Variants in TRAP1 observed in about 807,000 individuals in gnomAD.
TRAP1 encodes heat shock protein 75 kDa, mitochondrial.
A neutral mutation model predicts 89.1 loss-of-function variants in TRAP1; 102 were observed. The observed-to-expected ratio is 1.15, with a 90% CI of 0.98 to 1.35. The LOEUF (loss-of-function observed/expected upper bound fraction) is 1.35, where lower values mean the gene tolerates loss of function less well. TRAP1 is among the 40% of genes most tolerant of loss of function. The pLI is 0.00. For synonymous variants in TRAP1, 508 were observed against 388.0 expected (o/e 1.31, Z -3.64); for missense variants, 1,256 against 945.3 (o/e 1.33, Z -4.31).
intron 4 of TRAP1, among the ~76,000 whole-genome samples, chr16:3,685,405 G>C (rs2051125776): frequency 6.6e-6 from 1 of 152,078 alleles, no homozygotes; most frequent in Admixed American, 6.6e-5. Flanking sequence ...ATGACCTTCA[G>C]AGCAAGCCAG....
chr16:3,679,298 C>T (rs1319988226), intron 5 of TRAP1, among the ~76,000 whole-genome samples: 3 of 150,856 alleles, frequency 2.0e-5, no homozygotes, highest in East Asian at 3.9e-4. Flanking sequence ...AGCCAAGGAT[C>T]GAAAATACTC....
At chr16:3,664,082 A>C in intron 13 of TRAP1, 192 bp downstream of exon 13, 1 of 589,970 alleles carries the variant, frequency 1.7e-6, no homozygotes, top group Non-Finnish European at 2.8e-6. Flanking sequence ...AAAAACAAAC[A>C]AAAAAAACCA....
intron 1 of TRAP1, among the ~76,000 whole-genome samples, chr16:3,711,177 A>T (rs2051526826): frequency 6.6e-6 from 1 of 152,000 alleles, no homozygotes; most frequent in Non-Finnish European, 1.5e-5. Context: ...GGCCTGGCCA[A>T]TTTTTTACCT....
intron 4 of TRAP1, among the ~76,000 whole-genome samples, chr16:3,682,527 C>T (rs2051086094): frequency 6.6e-6 from 1 of 152,054 alleles, no homozygotes; most frequent in African/African-American, 2.4e-5. Flanking sequence ...GTAGCTGGGA[C>T]TACCGGCACA....
At chr16:3,677,392 C>T (rs1382213951) in intron 6 of TRAP1, 106 bp downstream of exon 6, 4 of 1,452,024 alleles carry the variant, frequency 2.8e-6, no homozygotes, top group Non-Finnish European at 3.8e-6. Context: ...TATAAAAAGC[C>T]CAGAAAATGC....
chr16:3,662,265 G>C (rs374186940), intron 15 of TRAP1, 133 bp from the exon 16 acceptor site: 1 of 1,074,398 alleles, frequency 9.3e-7, no homozygotes, highest in African/African-American at 1.6e-5. Flanking sequence ...CTGGACCAGC[G>C]CTGCTCCCTC....
chr16:3,667,202 G>A (rs975203979), intron 11 of TRAP1, among the ~76,000 whole-genome samples: 2 of 152,168 alleles, frequency 1.3e-5, no homozygotes, highest in African/African-American at 2.4e-5. Flanking sequence ...GGGTGTCCAG[G>A]CTGGGGGCGT....
intron 4 of TRAP1, among the ~76,000 whole-genome samples, chr16:3,683,048 A>T (rs992274946): frequency 1.3e-5 from 2 of 152,020 alleles, no homozygotes; most frequent in African/African-American, 4.8e-5. Context: ...CATACCTGTA[A>T]TCCCAGCTAC....
chr16:3,681,859 G>A (rs1250915750), intron 4 of TRAP1, among the ~76,000 whole-genome samples: 8 of 152,204 alleles, frequency 5.3e-5, no homozygotes, highest in South Asian at 2.1e-4. Context: ...ATGACAAGCC[G>A]ATTCTAAAAT....
At chr16:3,689,323 C>A (rs1464147038) in intron 2 of TRAP1, among the ~76,000 whole-genome samples, 186 bp from the exon 3 acceptor site, 1 of 150,154 alleles carries the variant, frequency 6.7e-6, no homozygotes, top group East Asian at 1.9e-4. Context: ...CGGCTCACTG[C>A]AAGCTCTGCC....
rs1232531384 is a variant in TRAP1, at chr16:3,662,048, G to T, written c.1879C>A (p.Leu627Met). Residue 627 changes from leucine to methionine, a missense_variant, in exon 16 of 18, where the codon CTG (leucine) becomes ATG (methionine). Transcript: ENST00000246957. ...GCGCGCTCCTCCTGGGTCTTGGCCAGCTGCTGCATGCGCAGGAAGTGGCGG... is the reference window on the plus strand; with the variant it reads ...GCGCGCTCCTCCTGGGTCTTGGCCATCTGCTGCATGCGCAGGAAGTGGCGG... ...AARHFLRMQQ[L>M]AKTQEERAQL... The T allele has an allele frequency of 7.4e-6, 12 of 1,613,404 alleles. No homozygotes were observed. The highest frequency in any genetic ancestry group is 8.5e-6 in the Non-Finnish European group (10 of 1,179,958).
intron 11 of TRAP1, among the ~76,000 whole-genome samples, chr16:3,670,896 G>C (rs1006837051): frequency 6.6e-6 from 1 of 152,068 alleles, no homozygotes; most frequent in Non-Finnish European, 1.5e-5. Context: ...CCGCGGCACA[G>C]GACAGAATCT....
chr16:3,679,800 G>C lies in TRAP1; in HGVS notation c.472-10C>G, dbSNP rs2051051127. The C allele has an allele frequency of 2.5e-6, 4 of 1,613,938 alleles. No individual in the cohort carries two copies. The highest frequency in any genetic ancestry group is 2.2e-5 in the East Asian group (1 of 44,878). On this transcript the variant is annotated splice_polypyrimidine_tract_variant and intron_variant, in intron 4 of 17. Transcript: ENST00000246957. ...TCCCGATACCAGTATCCTGAGGAGA[G>C]AGACGCACTAAGTGCCAAGCCCCCA...
At chr16:3,679,604 C>G (rs539232146) in intron 5 of TRAP1, 115 bp downstream of exon 5, 1 of 1,011,180 alleles carries the variant, frequency 9.9e-7, no homozygotes. Context: ...GTACCCACTG[C>G]GTGGCATGCA....
chr16:3,693,772 C>A (rs372787454), intron 1 of TRAP1, among the ~76,000 whole-genome samples: 1 of 152,058 alleles, frequency 6.6e-6, no homozygotes, highest in Non-Finnish European at 1.5e-5. Context: ...GCAGGAGAAT[C>A]GCTTGAGCCC....
intron 1 of TRAP1, among the ~76,000 whole-genome samples, chr16:3,716,871 A>C (rs1010289200): frequency 5.9e-5 from 9 of 152,198 alleles, no homozygotes; most frequent in African/African-American, 2.2e-4. Context: ...GATGACTGCT[A>C]TAGGTTTTGT....
At chr16:3,713,813 C>T (rs1300171861) in intron 1 of TRAP1, among the ~76,000 whole-genome samples, 1 of 152,232 alleles carries the variant, frequency 6.6e-6, no homozygotes, top group African/African-American at 2.4e-5. Context: ...TCTGACACTT[C>T]TGACAGTTGG....
chr16:3,709,244 A>G (rs75722083), intron 1 of TRAP1, among the ~76,000 whole-genome samples: 25,930 of 149,300 alleles, frequency 0.17, 2,420 homozygotes, highest in East Asian at 0.25. Flanking sequence ...AAAAAAAAAA[A>G]AAAGAAAAAG....
At chr16:3,715,220 C>T (rs927196917) in intron 1 of TRAP1, among the ~76,000 whole-genome samples, 1 of 152,128 alleles carries the variant, frequency 6.6e-6, no homozygotes, top group Non-Finnish European at 1.5e-5. Context: ...GGGCGGATCA[C>T]GAGGTCAGGA....
Sources: gnomAD v4.1 joint callset for allele counts (sites outside exome capture counted in the v4.1 genomes callset) on GRCh38, gnomAD v4.1.1 for gene constraint, MANE v1.5 for transcripts, NCBI Gene and HGNC (gene_info 2026-07-23, HGNC 2026-07-21) for gene names.